Variants in PDE4D observed in about 807,000 individuals in gnomAD.
PDE4D encodes the protein 3',5'-cyclic-AMP phosphodiesterase 4D.
In PDE4D, 24 loss-of-function variants were observed where a neutral mutation model predicts 87.4. That is an observed-to-expected ratio of 0.27 (90% CI 0.20 to 0.39). The LOEUF is 0.39. Ranked by LOEUF, PDE4D falls within the 10% of genes least tolerant of loss-of-function variation. The pLI, the probability that PDE4D is intolerant of heterozygous loss-of-function variation, is 1.00. For synonymous variants in PDE4D, 384 were observed against 383.2 expected, an observed-to-expected ratio of 1.00 and a Z score of -0.02; for missense variants, 714 against 1,041.0, an observed-to-expected ratio of 0.69 and a Z score of 4.32.
chr5:59,742,324 A>G (rs1758975162), intron 1 of PDE4D, among the ~76,000 whole-genome samples: 1 of 152,170 alleles, frequency 6.6e-6, no homozygotes, highest in Non-Finnish European at 1.5e-5. Context: ...TTGGCCTCCC[A>G]AAGTGCTGGG....
chr5:59,233,896 G>A (rs1755786795), intron 1 of PDE4D, among the ~76,000 whole-genome samples: 2 of 152,128 alleles, frequency 1.3e-5, no homozygotes, highest in Admixed American at 6.6e-5. Context: ...AAGGATGGTA[G>A]TAGTTACACT....
chr5:60,289,831 T>C (rs1752731799), intron 1 of PDE4D, among the ~76,000 whole-genome samples: 2 of 152,300 alleles, frequency 1.3e-5, no homozygotes, highest in Admixed American at 1.3e-4. Flanking sequence ...ACTAAAATAG[T>C]GCCAGATTAG....
At chr5:60,317,467 T>G (rs948099355) in intron 1 of PDE4D, among the ~76,000 whole-genome samples, 2 of 152,164 alleles carry the variant, frequency 1.3e-5, no homozygotes, top group Non-Finnish European at 2.9e-5. Flanking sequence ...TTTTGAAGGG[T>G]TTTTTGTGTC....
At chr5:60,143,927 C>T (rs947297681) in intron 2 of PDE4D, among the ~76,000 whole-genome samples, 2 of 152,060 alleles carry the variant, frequency 1.3e-5, no homozygotes, top group African/African-American at 2.4e-5. Flanking sequence ...AATAAATGAA[C>T]AACAAGATGT....
chr5:60,083,430 G>GA (rs1340829752), intron 2 of PDE4D, among the ~76,000 whole-genome samples: 4 of 152,172 alleles, frequency 2.6e-5, no homozygotes, highest in Non-Finnish European at 4.4e-5. Context: ...AAAAGCAAAA[G>GA]AAGCCACTCA....
At chr5:59,237,800 T>A (rs1207600068) in intron 1 of PDE4D, among the ~76,000 whole-genome samples, 1 of 71,196 alleles carries the variant, frequency 1.4e-5, no homozygotes, top group African/African-American at 6.3e-5. Context: ...TGTGTGTGTG[T>A]GTGTGTGTGT....
intron 1 of PDE4D, among the ~76,000 whole-genome samples, chr5:59,565,942 G>A (rs1820810044): frequency 6.6e-6 from 1 of 152,080 alleles, no homozygotes; most frequent in Non-Finnish European, 1.5e-5. Flanking sequence ...ACTTAAAAGA[G>A]ACTCAATGAA....
intron 2 of PDE4D, chr5:60,147,801 A>G (rs778648350): frequency 4.4e-6 from 2 of 455,534 alleles, no homozygotes; most frequent in South Asian, 1.6e-5. Context: ...AGGCCTCCAT[A>G]TTTTACCATG....
chr5:59,792,872 C>T (rs1030592330), intron 1 of PDE4D, among the ~76,000 whole-genome samples: 3 of 152,152 alleles, frequency 2.0e-5, no homozygotes, highest in Middle Eastern at 3.4e-3. Flanking sequence ...AAAAGAGTGA[C>T]TGATTGGAAT....
At chr5:60,512,904 T>C (rs1374282693) in intron 1 of PDE4D, among the ~76,000 whole-genome samples, 1 of 152,148 alleles carries the variant, frequency 6.6e-6, no homozygotes, top group East Asian at 1.9e-4. Flanking sequence ...AATAATGTCC[T>C]GAGGGGGTTA....
chr5:60,104,031 T>C (rs1161388868), intron 2 of PDE4D, among the ~76,000 whole-genome samples: 2 of 151,962 alleles, frequency 1.3e-5, no homozygotes, highest in African/African-American at 2.4e-5. Context: ...TGCAGCACAC[T>C]GTGTGCGAGC....
chr5:59,693,337 T>C (rs1241348421), intron 1 of PDE4D, among the ~76,000 whole-genome samples: 1 of 152,038 alleles, frequency 6.6e-6, no homozygotes, highest in African/African-American at 2.4e-5. Context: ...ATAGTCAACA[T>C]GAAAAGTCTT....
At chr5:60,009,678 G>A (rs1764827826) in intron 2 of PDE4D, among the ~76,000 whole-genome samples, 1 of 152,010 alleles carries the variant, frequency 6.6e-6, no homozygotes, top group Non-Finnish European at 1.5e-5. Context: ...AATCAAAAGT[G>A]GTAAGAAGCT....
At chr5:59,227,901 G>T (rs928598335) in intron 1 of PDE4D, among the ~76,000 whole-genome samples, 1 of 152,096 alleles carries the variant, frequency 6.6e-6, no homozygotes, top group African/African-American at 2.4e-5. Context: ...AAACTACAGG[G>T]TATATACCAA....
At chr5:59,499,364 CAG>C in intron 1 of PDE4D, among the ~76,000 whole-genome samples, 1 of 107,838 alleles carries the variant, frequency 9.3e-6, no homozygotes, top group South Asian at 3.0e-4. Context: ...AAAAAAAAAA[CAG>C]AAAAACAAGA....
intron 1 of PDE4D, among the ~76,000 whole-genome samples, chr5:59,859,958 C>T (rs1263426597): frequency 6.6e-6 from 1 of 152,178 alleles, no homozygotes; most frequent in East Asian, 1.9e-4. Context: ...GGCCCACAGA[C>T]TCTTAAACAG....
intron 2 of PDE4D, among the ~76,000 whole-genome samples, chr5:60,150,379 G>A (rs779946059): frequency 2.6e-5 from 4 of 151,796 alleles, no homozygotes; most frequent in East Asian, 1.9e-4. Context: ...AATTTTGGGG[G>A]GTCCAATGGG....
chr5:59,300,105 C>T (rs1447649076), intron 1 of PDE4D, among the ~76,000 whole-genome samples: 1 of 62,878 alleles, frequency 1.6e-5, no homozygotes, highest in Non-Finnish European at 2.9e-5. Flanking sequence ...GAAAAAGGGT[C>T]TGTCTCAAAA....
At chr5:60,358,055 T>C (rs1421038060) in intron 1 of PDE4D, among the ~76,000 whole-genome samples, 7 of 152,208 alleles carry the variant, frequency 4.6e-5, no homozygotes, top group African/African-American at 1.4e-4. Context: ...CCTGTGGCAC[T>C]GAGGGTTTAG....
Sources: gnomAD v4.1 joint callset for allele counts (sites outside exome capture counted in the v4.1 genomes callset) on GRCh38, gnomAD v4.1.1 for gene constraint, MANE v1.5 for transcripts, NCBI Gene and HGNC (gene_info 2026-07-23, HGNC 2026-07-21) for gene names.